TEAD1: variants seen among roughly 807,000 people sequenced by gnomAD.
The protein encoded by TEAD1 is transcriptional enhancer factor TEF-1.
A neutral mutation model predicts 54.9 loss-of-function variants in TEAD1; 9 were observed. That is an observed-to-expected ratio of 0.16 (90% CI 0.10 to 0.29). TEAD1 has a LOEUF of 0.29. Among genes scored for constraint, TEAD1 ranks in the 10% least tolerant of loss-of-function variants. TEAD1 has a pLI of 1.00. For synonymous variants in TEAD1, 200 were observed against 187.8 expected, an observed-to-expected ratio of 1.07 and a Z score of -0.53; for missense variants, 387 against 535.9, an observed-to-expected ratio of 0.72 and a Z score of 2.74.
At chr11:12,901,797 C>A in intron 9 of TEAD1, 143 bp from the exon 10 acceptor site, 1 of 909,466 alleles carries the variant, frequency 1.1e-6, no homozygotes, top group Non-Finnish European at 1.8e-6. Flanking sequence ...TAAACATACT[C>A]ATCATTTCAA....
intron 3 of TEAD1, among the ~76,000 whole-genome samples, chr11:12,779,821 A>G (rs1232950445): frequency 3.9e-5 from 6 of 152,226 alleles, no homozygotes; most frequent in African/African-American, 1.4e-4. Context: ...GAGTGAAGAA[A>G]AAACCACATT....
intron 3 of TEAD1, among the ~76,000 whole-genome samples, chr11:12,776,798 TATC>T (rs1554932204): frequency 4.5e-4 from 52 of 116,062 alleles, no homozygotes; most frequent in African/African-American, 3.0e-3. Context: ...TTATTATTAT[TATC>T]ATTATTATTA....
chr11:12,730,416 GTTTTTTTTTTTTT>G (rs59731479), intron 2 of TEAD1, among the ~76,000 whole-genome samples: 29 of 60,242 alleles, frequency 4.8e-4, no homozygotes, highest in East Asian at 3.2e-3. Context: ...CCAGTTGAGT[GTTTTTTTTTTTTT>G]TTTTTTTTTT....
intron 3 of TEAD1, among the ~76,000 whole-genome samples, chr11:12,804,287 T>C (rs1257460929): frequency 6.6e-6 from 1 of 152,214 alleles, no homozygotes; most frequent in Non-Finnish European, 1.5e-5. Context: ...CCCCTTAATA[T>C]GGGCAGAGAA....
intron 3 of TEAD1, among the ~76,000 whole-genome samples, chr11:12,820,251 C>T (rs1370887568): frequency 1.3e-5 from 2 of 152,110 alleles, no homozygotes; most frequent in Non-Finnish European, 2.9e-5. Context: ...ACCCGCTAGA[C>T]ACTGTTGCTG....
chr11:12,770,266 T>C (rs1183259850), intron 3 of TEAD1, among the ~76,000 whole-genome samples: 3 of 152,156 alleles, frequency 2.0e-5, no homozygotes, highest in Non-Finnish European at 4.4e-5. Flanking sequence ...ATGCACAAGG[T>C]GTGAGCTCAT....
At chr11:12,699,936 T>C (rs1943662581) in intron 2 of TEAD1, among the ~76,000 whole-genome samples, 1 of 152,186 alleles carries the variant, frequency 6.6e-6, no homozygotes, top group Admixed American at 6.5e-5. Flanking sequence ...TGTTTTGGTC[T>C]ATGAGACTTG....
intron 9 of TEAD1, among the ~76,000 whole-genome samples, chr11:12,885,083 C>G (rs1948059559): frequency 2.0e-5 from 3 of 152,060 alleles, no homozygotes; most frequent in Admixed American, 2.0e-4. Flanking sequence ...TTCTGTTTTC[C>G]CCATTTTACA....
chr11:12,817,817 G>A (rs75053094), intron 3 of TEAD1, among the ~76,000 whole-genome samples: 2 of 152,272 alleles, frequency 1.3e-5, no homozygotes, highest in East Asian at 1.9e-4. Context: ...AGTTTGAAGC[G>A]CAACAGGGCC....
intron 3 of TEAD1, among the ~76,000 whole-genome samples, chr11:12,821,960 C>CTTTTTTTTTTTTTT (rs1590184847): frequency 2.6e-5 from 1 of 38,310 alleles, no homozygotes; most frequent in Non-Finnish European, 4.5e-5. Context: ...TTTCTCTTTT[C>CTTTTTTTTTTTTTT]CTTTTTTTTT....
At position 12,742,129 on chromosome 11, in the gene TEAD1, G is replaced by C. The variant is rs74534852; in HGVS notation, c.-54-22050G>C. Among the ~76,000 whole-genome samples, 40 of 152,266 alleles carry C rather than the reference G, an allele frequency of 2.6e-4. No homozygotes were observed. The East Asian group carries it at 6.8e-3, about 26-fold the overall frequency. On this transcript the variant is annotated intron_variant, in intron 2 of 12. Coordinates refer to ENST00000527636, the MANE Select transcript of TEAD1 (RefSeq NM_021961.6). ...CAGCATGACTGTTTTAAGAGGTCTT[G>C]TAGCTATTCTTTGATTACCTCTAGT...
At chr11:12,711,284 C>T (rs927318922) in intron 2 of TEAD1, among the ~76,000 whole-genome samples, 7 of 152,138 alleles carry the variant, frequency 4.6e-5, no homozygotes, top group Non-Finnish European at 1.0e-4. Context: ...GATTATAAGC[C>T]ATAGAAATCC....
Position 12,864,944 on chromosome 11 carries a change from C to T in TEAD1, c.330+44C>T, listed in dbSNP as rs775774921. 9 of 1,604,608 alleles carry T rather than the reference C, an allele frequency of 5.6e-6. No homozygotes were observed. In the Admixed American group the frequency reaches 1.0e-4, roughly 18 times the overall value. ...TTTGGCTTGTGGTTGCTATGCATCT[C>T]ACTTCCTGTTTTCCATGGTGACTGG... On this transcript the variant is annotated intron_variant, in intron 5 of 12. Coordinates refer to ENST00000527636, the MANE Select transcript of TEAD1 (RefSeq NM_021961.6).
chr11:12,699,293 C>T (rs1225554992), intron 2 of TEAD1, among the ~76,000 whole-genome samples: 1 of 152,094 alleles, frequency 6.6e-6, no homozygotes, highest in East Asian at 1.9e-4. Context: ...TTTCTCATTA[C>T]TCTTCTTTTA....
intron 3 of TEAD1, chr11:12,827,999 T>G (rs1372837018): frequency 3.3e-5 from 5 of 152,340 alleles, no homozygotes; most frequent in Admixed American, 1.3e-4. Context: ...TAATGGAAAG[T>G]AGCAGTTGGT....
At chr11:12,736,176 T>G (rs1218195498) in intron 2 of TEAD1, among the ~76,000 whole-genome samples, 1 of 152,220 alleles carries the variant, frequency 6.6e-6, no homozygotes, top group Non-Finnish European at 1.5e-5. Flanking sequence ...GCCCATAATG[T>G]CCTGAAATTC....
intron 3 of TEAD1, among the ~76,000 whole-genome samples, chr11:12,834,587 G>A (rs1205302433): frequency 6.6e-6 from 1 of 152,004 alleles, no homozygotes; most frequent in Non-Finnish European, 1.5e-5. Context: ...TTGATAAATG[G>A]TACCTGTTAC....
intron 2 of TEAD1, among the ~76,000 whole-genome samples, chr11:12,730,438 T>A (rs1236442993): frequency 6.7e-6 from 1 of 148,154 alleles, no homozygotes; most frequent in Admixed American, 6.7e-5. Flanking sequence ...TTTTTTTTTT[T>A]TTTTCCTAAC....
intron 3 of TEAD1, among the ~76,000 whole-genome samples, chr11:12,832,703 G>A (rs1026676390): frequency 2.6e-5 from 4 of 152,220 alleles, no homozygotes; most frequent in Non-Finnish European, 5.9e-5. Flanking sequence ...ATTACCTTGT[G>A]CCAAGGGCAT....
Sources: gnomAD v4.1 joint callset for allele counts (sites outside exome capture counted in the v4.1 genomes callset) on GRCh38, gnomAD v4.1.1 for gene constraint, MANE v1.5 for transcripts, NCBI Gene and HGNC (gene_info 2026-07-23, HGNC 2026-07-21) for gene names.